SYNDIG1: variants seen among roughly 807,000 people sequenced by gnomAD.
The protein encoded by SYNDIG1 is synapse differentiation inducing 1, also known as synapse differentiation-inducing gene protein 1.
SYNDIG1 carries 9 observed loss-of-function variants against 19.4 expected under a neutral mutation model. The observed-to-expected ratio is 0.46, with a 90% CI of 0.28 to 0.81. The LOEUF (loss-of-function observed/expected upper bound fraction) is 0.81, where lower values mean the gene tolerates loss of function less well. SYNDIG1 is among the 30% of genes least tolerant of loss of function. The probability of loss-of-function intolerance (pLI) is 0.12; values close to 1 mark genes in which losing one functional copy is unlikely to be tolerated. For synonymous variants in SYNDIG1, 141 were observed against 145.9 expected, an observed-to-expected ratio of 0.97 and a Z score of 0.24; for missense variants, 311 against 343.3, an observed-to-expected ratio of 0.91 and a Z score of 0.74.
chr20:24,494,339 A>G (rs1473354855), intron 1 of SYNDIG1, among the ~76,000 whole-genome samples: 2 of 152,184 alleles, frequency 1.3e-5, no homozygotes, highest in Non-Finnish European at 1.5e-5. Flanking sequence ...CCTTAGAACC[A>G]CACAGCTAGA....
chr20:24,659,907 C>T (rs1274845829), intron 3 of SYNDIG1, among the ~76,000 whole-genome samples: 1 of 152,172 alleles, frequency 6.6e-6, no homozygotes, highest in Non-Finnish European at 1.5e-5. Context: ...TGATAGAATT[C>T]ATTTCTAAAG....
At position 24,580,550 on chromosome 20, in the gene SYNDIG1, C is replaced by T. The variant is rs144984114; in HGVS notation, c.481-4306C>T. Among the ~76,000 whole-genome samples the T allele has an allele frequency of 9.1e-3, 1,382 of 152,240 alleles. 15 individuals carry two copies. Among genetic ancestry groups the T allele is most frequent in the Middle Eastern group, 0.041 (12 of 294 alleles). ...TCAGCCTCCCAAGTAGCTGAGACTA[C>T]AGGCATGCACCACGAAGCTCAGCTA... On this transcript the variant is annotated intron_variant, in intron 2 of 3. Transcript: ENST00000376862.
At position 24,661,633 on chromosome 20, in the gene SYNDIG1, G is replaced by A. The variant is rs111930686; in HGVS notation, c.619-3713G>A. ...GGAGGAGGGAGGGAGGAGGGAGGGA[G>A]GGACTGGCCTTCAGCATGCCAGCAT... On this transcript the variant is annotated intron_variant, in intron 3 of 3. Coordinates refer to ENST00000376862, the MANE Select transcript of SYNDIG1 (RefSeq NM_024893.3). 3.3e-5 allele frequency among the ~76,000 whole-genome samples: 5 copies of A among 151,220 alleles called. 1 individual carries two copies. Among genetic ancestry groups the A allele is most frequent in the African/African-American group, 9.7e-5 (4 of 41,140 alleles).
chr20:24,489,646 A>C (rs2056090447), intron 1 of SYNDIG1, among the ~76,000 whole-genome samples: 1 of 152,170 alleles, frequency 6.6e-6, no homozygotes, highest in African/African-American at 2.4e-5. Flanking sequence ...ACAGACATAC[A>C]TTCACCACAC....
intron 2 of SYNDIG1, among the ~76,000 whole-genome samples, chr20:24,562,944 G>A (rs980094866): frequency 1.1e-5 from 1 of 89,650 alleles, no homozygotes; most frequent in Non-Finnish European, 2.1e-5. Context: ...TGTGACAAAT[G>A]TAGTTTGAGT....
chr20:24,484,745 C>T (rs1253082949), intron 1 of SYNDIG1, among the ~76,000 whole-genome samples: 2 of 152,150 alleles, frequency 1.3e-5, no homozygotes, highest in African/African-American at 4.8e-5. Context: ...AAAAGTAGAG[C>T]CTTTTCTTAC....
chr20:24,583,167 C>T (rs1287179128), intron 2 of SYNDIG1, among the ~76,000 whole-genome samples: 1 of 152,176 alleles, frequency 6.6e-6, no homozygotes, highest in East Asian at 1.9e-4. Context: ...GAAAGGGAGC[C>T]GTGGTCACCT....
In SYNDIG1 at chr20:24,665,435, T is replaced by G. The variant is rs139512326; in HGVS notation, c.708T>G (p.Ile236Met). 1 of 1,613,542 alleles carries G rather than the reference T, an allele frequency of 6.2e-7. No individual in the cohort carries two copies. The highest frequency in any genetic ancestry group is 1.3e-5 in the African/African-American group (1 of 74,880). Reference protein sequence around the residue: ...ALFLAVLSITIGTGVYVGVAV... With the variant: ...ALFLAVLSITMGTGVYVGVAV... ...TCCTGGCAGTGCTGTCCATCACCATTGGGACTGGCGTCTATGTGGGCGTGG... is the reference window on the plus strand; with the variant it reads ...TCCTGGCAGTGCTGTCCATCACCATGGGGACTGGCGTCTATGTGGGCGTGG... Residue 236 changes from isoleucine to methionine, a missense_variant, in exon 4 of 4, where the codon ATT becomes ATG. Physicochemically the swap from Ile to Met is conservative, Grantham distance 10. Transcript: ENST00000376862.
chr20:24,524,424 T>C (rs1261754031), intron 1 of SYNDIG1, among the ~76,000 whole-genome samples: 1 of 152,136 alleles, frequency 6.6e-6, no homozygotes, highest in Non-Finnish European at 1.5e-5. Flanking sequence ...GGCGGGTGGA[T>C]CACGAGGTCA....
At chr20:24,553,582 C>G (rs1326555009) in intron 2 of SYNDIG1, among the ~76,000 whole-genome samples, 1 of 152,206 alleles carries the variant, frequency 6.6e-6, no homozygotes, top group African/African-American at 2.4e-5. Flanking sequence ...TTCCCCATTG[C>G]TTGTTTTTCT....
At chr20:24,492,422 A>C (rs1167637925) in intron 1 of SYNDIG1, among the ~76,000 whole-genome samples, 2 of 152,236 alleles carry the variant, frequency 1.3e-5, no homozygotes, top group Non-Finnish European at 1.5e-5. Flanking sequence ...ATTGTCATCT[A>C]TCTTGGGAAA....
At chr20:24,471,404 C>G (rs2055450846) in intron 1 of SYNDIG1, among the ~76,000 whole-genome samples, 1 of 151,748 alleles carries the variant, frequency 6.6e-6, no homozygotes, top group Non-Finnish European at 1.5e-5. Context: ...GTGGCCCGTT[C>G]TTTTGGAGGT....
At chr20:24,640,482 GAA>G in intron 3 of SYNDIG1, among the ~76,000 whole-genome samples, 1 of 41,188 alleles carries the variant, frequency 2.4e-5, no homozygotes, top group Admixed American at 3.7e-4. Context: ...AAGAAGGAAG[GAA>G]GGAAGGAAGG....
chr20:24,608,012 A>G (rs1233584894), intron 3 of SYNDIG1, among the ~76,000 whole-genome samples: 1 of 152,224 alleles, frequency 6.6e-6, no homozygotes, highest in African/African-American at 2.4e-5. Flanking sequence ...GAGCACATTC[A>G]AAACATCTTC....
At chr20:24,535,917 G>T (rs1168083120) in intron 1 of SYNDIG1, among the ~76,000 whole-genome samples, 1 of 152,200 alleles carries the variant, frequency 6.6e-6, no homozygotes, top group East Asian at 1.9e-4. Flanking sequence ...ACTTAAACAA[G>T]TAATTTTTCC....
rs1341952995 is a variant in SYNDIG1 at position 24,600,595 on chromosome 20, ATCTT to A, written c.618+15612_618+15615del. On this transcript the variant is annotated intron_variant, in intron 3 of 3. Coordinates refer to ENST00000376862, the MANE Select transcript of SYNDIG1 (RefSeq NM_024893.3). ...TGAGTTCCTTAACCTTCATGTCTTCATCTTTCTTTCTTTTTTTTTTTTTTTTTTG... is the reference window on the plus strand; with the variant it reads ...TGAGTTCCTTAACCTTCATGTCTTCATCTTTCTTTTTTTTTTTTTTTTTTG... Among the ~76,000 whole-genome samples the A allele has an allele frequency of 3.4e-5, 5 of 145,956 alleles. No homozygotes were observed. The South Asian group carries it at 6.4e-4, about 19-fold the overall frequency.
At chr20:24,614,993 C>G (rs2058907741) in intron 3 of SYNDIG1, among the ~76,000 whole-genome samples, 1 of 152,200 alleles carries the variant, frequency 6.6e-6, no homozygotes, top group South Asian at 2.1e-4. Flanking sequence ...TTGCAATTAA[C>G]AAGCTTATGT....
intron 2 of SYNDIG1, among the ~76,000 whole-genome samples, chr20:24,575,698 C>G (rs2058216321): frequency 1.3e-5 from 2 of 151,990 alleles, no homozygotes; most frequent in African/African-American, 4.8e-5. Flanking sequence ...AAAATACCTC[C>G]CTCCTCAAAG....
intron 3 of SYNDIG1, among the ~76,000 whole-genome samples, chr20:24,604,058 T>C (rs1164621361): frequency 6.6e-6 from 1 of 152,190 alleles, no homozygotes; most frequent in Non-Finnish European, 1.5e-5. Context: ...ACAAACAACA[T>C]TTTCATGTTC....
Sources: allele counts gnomAD v4.1 joint callset (sites outside exome capture counted in the v4.1 genomes callset), GRCh38; gene constraint gnomAD v4.1.1; transcripts MANE v1.5; gene names NCBI Gene and HGNC (gene_info 2026-07-23, HGNC 2026-07-21).